ATRNL1: variants seen among roughly 807,000 people sequenced by gnomAD.
ATRNL1 encodes attractin-like protein 1.
ATRNL1 carries 95 observed loss-of-function variants against 182.7 expected under a neutral mutation model. The observed-to-expected ratio is 0.52, with a 90% CI of 0.44 to 0.62. The LOEUF is 0.62. Ranked by LOEUF, ATRNL1 falls within the 20% of genes least tolerant of loss-of-function variation. The pLI is 0.00. For synonymous variants in ATRNL1, 576 were observed against 568.3 expected (o/e 1.01, Z -0.19); for missense variants, 1,471 against 1,679.5 (o/e 0.88, Z 2.17).
intron 28 of ATRNL1, among the ~76,000 whole-genome samples, chr10:115,852,928 A>G (rs1364159612): frequency 6.6e-6 from 1 of 152,168 alleles, no homozygotes; most frequent in African/African-American, 2.4e-5. Context: ...TAGGAAAAGA[A>G]ATTAAACTTG....
At chr10:115,364,094 G>A (rs1237056985) in intron 19 of ATRNL1, among the ~76,000 whole-genome samples, 8 of 146,852 alleles carry the variant, frequency 5.4e-5, no homozygotes, top group African/African-American at 2.0e-4. Flanking sequence ...CATTGAATCT[G>A]TAAATTACCT....
At chr10:115,534,098 G>T (rs528995132) in intron 25 of ATRNL1, among the ~76,000 whole-genome samples, 1 of 152,040 alleles carries the variant, frequency 6.6e-6, no homozygotes, top group African/African-American at 2.4e-5. Flanking sequence ...GGGATGGAGA[G>T]TTCTGTAGAT....
chr10:115,564,307 A>G (rs1555000842), intron 26 of ATRNL1, among the ~76,000 whole-genome samples: 1 of 152,010 alleles, frequency 6.6e-6, no homozygotes. Context: ...CTATATTGTA[A>G]CAATTATGAA....
intron 26 of ATRNL1, among the ~76,000 whole-genome samples, chr10:115,632,660 A>G (rs1305250112): frequency 1.3e-5 from 2 of 152,140 alleles, no homozygotes; most frequent in East Asian, 3.9e-4. Flanking sequence ...GATAATGTAA[A>G]GGGAAAATGC....
At chr10:115,634,736 A>C (rs1858752024) in intron 26 of ATRNL1, among the ~76,000 whole-genome samples, 1 of 152,188 alleles carries the variant, frequency 6.6e-6, no homozygotes, top group Non-Finnish European at 1.5e-5. Context: ...CATGCTCAAG[A>C]GTTTAAAAAT....
At chr10:115,679,100 T>C (rs1593055060) in intron 26 of ATRNL1, among the ~76,000 whole-genome samples, 2 of 152,250 alleles carry the variant, frequency 1.3e-5, no homozygotes, top group East Asian at 3.9e-4. Flanking sequence ...CTTCTCTTAC[T>C]ATTTCCTGGA....
At chr10:115,558,579 T>C (rs1407992311) in intron 26 of ATRNL1, among the ~76,000 whole-genome samples, 1 of 152,120 alleles carries the variant, frequency 6.6e-6, no homozygotes, top group Non-Finnish European at 1.5e-5. Flanking sequence ...GTTCTTTTTT[T>C]CTTTTTGGTT....
intron 25 of ATRNL1, among the ~76,000 whole-genome samples, chr10:115,541,405 T>C (rs1592821392): frequency 6.6e-6 from 1 of 152,134 alleles, no homozygotes; most frequent in East Asian, 1.9e-4. Flanking sequence ...AGACAAATAA[T>C]ACCAAATGTT....
intron 27 of ATRNL1, among the ~76,000 whole-genome samples, chr10:115,842,505 C>T (rs562948956): frequency 6.6e-6 from 1 of 152,124 alleles, no homozygotes; most frequent in East Asian, 1.9e-4. Context: ...TAAAAATCAT[C>T]CAACCTACCT....
intron 28 of ATRNL1, among the ~76,000 whole-genome samples, chr10:115,850,420 T>C (rs1951028462): frequency 6.6e-6 from 1 of 152,134 alleles, no homozygotes; most frequent in African/African-American, 2.4e-5. Flanking sequence ...ATATATGAAC[T>C]AAGTGACTAT....
At chr10:115,149,876 CTT>C (rs57382865) in intron 5 of ATRNL1, among the ~76,000 whole-genome samples, 40 of 123,214 alleles carry the variant, frequency 3.2e-4, no homozygotes, top group Middle Eastern at 4.3e-3. Context: ...TCTCCTTTTC[CTT>C]TTTTTTTTTT....
chr10:115,112,065 A>AC (rs1554868228), intron 1 of ATRNL1, among the ~76,000 whole-genome samples: 228 of 133,974 alleles, frequency 1.7e-3, no homozygotes, highest in African/African-American at 6.2e-3. Flanking sequence ...AACAAAAAAA[A>AC]CCCAAAAAAA....
intron 9 of ATRNL1, among the ~76,000 whole-genome samples, chr10:115,223,697 C>A (rs112464973): frequency 1.2e-4 from 18 of 151,728 alleles, no homozygotes; most frequent in African/African-American, 4.1e-4. Flanking sequence ...AACAAAGGAA[C>A]TTTCCCGGAA....
At chr10:115,629,019 AT>A (rs1858307521) in intron 26 of ATRNL1, among the ~76,000 whole-genome samples, 1 of 151,856 alleles carries the variant, frequency 6.6e-6, no homozygotes, top group South Asian at 2.1e-4. Flanking sequence ...TTCCATTTCT[AT>A]TTAATACCAT....
At chr10:115,540,373 A>G (rs1249319646) in intron 25 of ATRNL1, among the ~76,000 whole-genome samples, 2 of 152,116 alleles carry the variant, frequency 1.3e-5, no homozygotes, top group Non-Finnish European at 2.9e-5. Flanking sequence ...CAGATGGATA[A>G]AACAAATTAT....
intron 28 of ATRNL1, among the ~76,000 whole-genome samples, chr10:115,908,396 GTTCATGCCCACCTTCCTGCATC>G (rs1394417112): frequency 1.3e-4 from 20 of 152,110 alleles, no homozygotes; most frequent in Admixed American, 1.2e-3. Flanking sequence ...GCATTCCTTA[GTTCATGCCCACCTTCCTGCATC>G]TTCAAAACTA....
At chr10:115,320,366 G>C (rs1249879548) in intron 18 of ATRNL1, among the ~76,000 whole-genome samples, 1 of 152,058 alleles carries the variant, frequency 6.6e-6, no homozygotes, top group African/African-American at 2.4e-5. Flanking sequence ...TGATGGTTAT[G>C]TGTCTTTGGT....
intron 26 of ATRNL1, among the ~76,000 whole-genome samples, chr10:115,558,847 C>A: frequency 6.6e-6 from 1 of 152,088 alleles, no homozygotes; most frequent in Admixed American, 6.6e-5. Context: ...AGCATTTGAG[C>A]CTCAACTTGC....
intron 28 of ATRNL1, among the ~76,000 whole-genome samples, chr10:115,892,001 C>T (rs1952090951): frequency 6.6e-6 from 1 of 152,090 alleles, no homozygotes; most frequent in African/African-American, 2.4e-5. Context: ...GCAAAACCAG[C>T]TTCATGATAT....
Sources: gnomAD v4.1 joint callset for allele counts (sites outside exome capture counted in the v4.1 genomes callset) on GRCh38, gnomAD v4.1.1 for gene constraint, MANE v1.5 for transcripts, NCBI Gene and HGNC (gene_info 2026-07-23, HGNC 2026-07-21) for gene names.